MIX23: variants seen among roughly 807,000 people sequenced by gnomAD.
MIX23 encodes protein MIX23.
In MIX23, 13 loss-of-function variants were observed where a neutral mutation model predicts 21.6. The ratio of observed to expected loss-of-function variants is 0.60; its 90% confidence interval spans 0.39 to 0.96. MIX23 has a LOEUF of 0.96. Ranked by LOEUF, MIX23 falls within the 40% of genes least tolerant of loss-of-function variation. MIX23 has a pLI of 0.00. For missense variants in MIX23, 144 were observed against 171.2 expected, an observed-to-expected ratio of 0.84 and a Z score of 0.89; for synonymous variants, 59 against 58.0, an observed-to-expected ratio of 1.02 and a Z score of -0.08.
intron 1 of MIX23, 80 bp from the exon 2 acceptor site, chr3:122,371,880 G>C: frequency 8.3e-7 from 1 of 1,209,456 alleles, no homozygotes; most frequent in Non-Finnish European, 1.2e-6. Context: ...AAAAAATAAA[G>C]CTCTTGGATA....
At position 122,370,299 on chromosome 3, in the gene MIX23, C is replaced by CA. The variant is rs200550106; in HGVS notation, c.177+1375dup. 5.1e-3 allele frequency among the ~76,000 whole-genome samples: 773 copies of CA among 151,108 alleles called. 8 individuals are homozygous for CA. Among genetic ancestry groups the CA allele is most frequent in the African/African-American group, 0.018 (737 of 41,280 alleles). ...AAAACCCTATCTCTACCAAAAAATA[C>CA]AAAAAAAATCAGCCAGGCATGGTAG... On this transcript the variant is annotated intron_variant, in intron 2 of 4. Coordinates refer to ENST00000291458, the MANE Select transcript of MIX23 (RefSeq NM_001017928.4).
intron 1 of MIX23, among the ~76,000 whole-genome samples, chr3:122,373,596 C>T (rs1398130120): frequency 6.6e-6 from 1 of 152,064 alleles, no homozygotes; most frequent in Non-Finnish European, 1.5e-5. Flanking sequence ...TAAATAGTTG[C>T]GTTTAAGTAT....
At position 122,375,204 on chromosome 3, in the gene MIX23, T is replaced by C. The variant is rs1396728298; in HGVS notation, c.52-3404A>G. Among the ~76,000 whole-genome samples the C allele has an allele frequency of 3.9e-5, 6 of 152,264 alleles. No homozygotes were observed. In the South Asian group the frequency reaches 1.2e-3, roughly 32 times the overall value. ...GAGGTAGTTGGACTTAGGATATATT[T>C]TGAAGATAGAGCTAACAGAAATTGC... is the stretch of plus-strand genomic sequence containing the variant. On this transcript the variant is annotated intron_variant, in intron 1 of 4. Coordinates refer to ENST00000291458, the MANE Select transcript of MIX23 (RefSeq NM_001017928.4).
At chr3:122,368,420 T>C in intron 2 of MIX23, 98 bp from the exon 3 acceptor site, 1 of 1,206,710 alleles carries the variant, frequency 8.3e-7, no homozygotes, top group South Asian at 1.6e-5. Context: ...AGAAATTCAA[T>C]ACTTTCTAAA....
intron 3 of MIX23, among the ~76,000 whole-genome samples, chr3:122,363,665 G>A (rs2107676266): frequency 6.6e-6 from 1 of 151,890 alleles, no homozygotes; most frequent in Middle Eastern, 3.4e-3. Context: ...CCCTCAGGGA[G>A]GAAAGAGAAT....
intron 1 of MIX23, among the ~76,000 whole-genome samples, chr3:122,375,177 G>T (rs900724813): frequency 6.6e-6 from 1 of 152,130 alleles, no homozygotes; most frequent in Non-Finnish European, 1.5e-5. Flanking sequence ...TAGAATTAAG[G>T]AGAGGTAGTT....
intron 3 of MIX23, 91 bp downstream of exon 3, chr3:122,368,085 T>TACTTAATGCCAAAATGAAA (rs2075410321): frequency 6.6e-6 from 8 of 1,218,596 alleles, no homozygotes; most frequent in Non-Finnish European, 8.3e-6. Context: ...ACTGCCATAT[T>TACTTAATGCCAAAATGAAA]ATATGCCAAA....
chr3:122,361,883 C>T (rs899792895), intron 4 of MIX23, among the ~76,000 whole-genome samples: 59 of 152,202 alleles, frequency 3.9e-4, no homozygotes, highest in African/African-American at 1.3e-3. Flanking sequence ...CTCAGCAAGC[C>T]GGTACATTCT....
chr3:122,381,933 T>C (rs1309665878), intron 1 of MIX23, among the ~76,000 whole-genome samples: 3 of 152,150 alleles, frequency 2.0e-5, no homozygotes, highest in Non-Finnish European at 4.4e-5. Flanking sequence ...TAGAAACTGA[T>C]GGCAGCTTAA....
intron 4 of MIX23, 90 bp from the exon 5 acceptor site, chr3:122,360,009 C>A: frequency 8.0e-7 from 1 of 1,254,576 alleles, no homozygotes; most frequent in South Asian, 1.4e-5. Flanking sequence ...CTCCAAAAGG[C>A]TATTACCATT....
chr3:122,368,677 A>T (rs1010606523), intron 2 of MIX23, among the ~76,000 whole-genome samples: 18 of 152,162 alleles, frequency 1.2e-4, no homozygotes, highest in Admixed American at 1.1e-3. Flanking sequence ...GTGTTCCTCT[A>T]TTCTACAACC....
intron 1 of MIX23, among the ~76,000 whole-genome samples, chr3:122,379,743 G>A (rs909109441): frequency 1.3e-5 from 2 of 152,208 alleles, no homozygotes; most frequent in African/African-American, 2.4e-5. Flanking sequence ...GCTGCATCTT[G>A]TGTAGAACCC....
chr3:122,363,013 C>T lies in MIX23; in HGVS notation c.339G>A (p.Gln113=). 1 of 1,611,674 alleles carries T rather than the reference C, an allele frequency of 6.2e-7. No homozygotes were observed. The highest frequency in any genetic ancestry group is 8.5e-7 in the Non-Finnish European group (1 of 1,178,980). ...CCACTTCTTCAACATTCAGTTCTGA[C>T]TGCATCCATTTCAACTGCAAGAAAA... The part of the protein sequence containing the change: ...RKEQTKLKWM[Q]SELNVEEVVN... The change falls in exon 4 of 5, where the codon CAG becomes CAA. Residue 113 remains glutamine (Q), a synonymous_variant. Coordinates refer to ENST00000291458, the MANE Select transcript of MIX23 (RefSeq NM_001017928.4).
intron 3 of MIX23, chr3:122,367,962 C>G (rs991435431): frequency 4.4e-5 from 24 of 549,386 alleles, no homozygotes; most frequent in Non-Finnish European, 6.4e-5. Flanking sequence ...GACAAAGCTG[C>G]TATGCTGCAT....
At chr3:122,371,580 C>A in intron 2 of MIX23, 95 bp downstream of exon 2, 1 of 1,372,054 alleles carries the variant, frequency 7.3e-7, no homozygotes, top group Non-Finnish European at 1.0e-6. Flanking sequence ...AGATGTCATT[C>A]CTTTAGTCAC....
intron 1 of MIX23, 30 bp downstream of exon 1, chr3:122,383,144 A>C (rs2075548774): frequency 6.2e-7 from 1 of 1,613,692 alleles, no homozygotes; most frequent in African/African-American, 1.3e-5. Flanking sequence ...AAGGAGGCAC[A>C]TGCCTGCCAC....
intron 2 of MIX23, among the ~76,000 whole-genome samples, chr3:122,369,217 T>C (rs538152604): frequency 1.3e-5 from 2 of 152,344 alleles, no homozygotes; most frequent in African/African-American, 4.8e-5. Context: ...AAAAATGTCA[T>C]AGATTGAAGG....
intron 1 of MIX23, among the ~76,000 whole-genome samples, chr3:122,375,497 T>C (rs2075478459): frequency 1.3e-5 from 2 of 152,164 alleles, no homozygotes; most frequent in African/African-American, 4.8e-5. Flanking sequence ...AAAAATGATA[T>C]GGTATTTGGG....
At chr3:122,383,073 C>T in intron 1 of MIX23, 101 bp downstream of exon 1, 2 of 1,487,078 alleles carry the variant, frequency 1.3e-6, no homozygotes, top group Non-Finnish European at 1.9e-6. Context: ...TTTGAATTGC[C>T]CGCTTTTTCC....
Sources: allele counts gnomAD v4.1 joint callset (sites outside exome capture counted in the v4.1 genomes callset), GRCh38; gene constraint gnomAD v4.1.1; transcripts MANE v1.5; gene names NCBI Gene and HGNC (gene_info 2026-07-23, HGNC 2026-07-21).